LRP1B: variants seen among roughly 807,000 people sequenced by gnomAD.
LRP1B encodes low-density lipoprotein receptor-related protein 1B.
Under a neutral mutation model 556.6 loss-of-function variants are expected in LRP1B, and 217 were observed. That is an observed-to-expected ratio of 0.39 (90% CI 0.35 to 0.44). The LOEUF (loss-of-function observed/expected upper bound fraction) is 0.44. Among genes scored for constraint, LRP1B ranks in the 20% least tolerant of loss-of-function variants. The pLI is 1.00. For missense variants in LRP1B, 5,053 were observed against 5,620.8 expected, an observed-to-expected ratio of 0.90 and a Z score of 3.23; for synonymous variants, 2,047 against 1,865.8, an observed-to-expected ratio of 1.10 and a Z score of -2.50.
intron 20 of LRP1B, among the ~76,000 whole-genome samples, chr2:140,926,471 A>G (rs1694889128): frequency 6.6e-6 from 1 of 151,984 alleles, no homozygotes; most frequent in African/African-American, 2.4e-5. Context: ...CCTCTCAAGT[A>G]GCTGGGACCA....
At chr2:141,753,907 T>C (rs1285756349) in intron 2 of LRP1B, among the ~76,000 whole-genome samples, 1 of 152,168 alleles carries the variant, frequency 6.6e-6, no homozygotes, top group East Asian at 1.9e-4. Context: ...TCATTTATCT[T>C]GTAACCCTAA....
intron 77 of LRP1B, among the ~76,000 whole-genome samples, chr2:140,343,618 G>C (rs1429067078): frequency 6.6e-6 from 1 of 151,648 alleles, no homozygotes; most frequent in Non-Finnish European, 1.5e-5. Context: ...AGTGAACAAA[G>C]TAAACAGCAG....
chr2:141,189,160 A>G (rs1222649529), intron 6 of LRP1B, among the ~76,000 whole-genome samples: 3 of 152,068 alleles, frequency 2.0e-5, no homozygotes, highest in Admixed American at 6.6e-5. Flanking sequence ...AGGCTTGCTC[A>G]AGGACTGATT....
chr2:141,557,817 G>A (rs977063828), intron 2 of LRP1B, among the ~76,000 whole-genome samples: 4 of 151,870 alleles, frequency 2.6e-5, no homozygotes, highest in African/African-American at 7.2e-5. Context: ...TATGGTAGCT[G>A]TGTCTATACC....
In LRP1B at chr2:142,095,001, T is replaced by C. The variant is rs115695415; in HGVS notation, c.82+35647A>G. Among the ~76,000 whole-genome samples the C allele has an allele frequency of 2.3e-3, 347 of 151,950 alleles. 2 individuals are homozygous for C. Among genetic ancestry groups the C allele is most frequent in the African/African-American group, 7.7e-3 (320 of 41,514 alleles). Reference sequence around the variant, plus strand: ...GTACAATGAATATTTGTAGCATCTATGTGAATTAACCAAGTTAGCCAAACT... The same window carrying C: ...GTACAATGAATATTTGTAGCATCTACGTGAATTAACCAAGTTAGCCAAACT... On this transcript the variant is annotated intron_variant, in intron 1 of 90. Transcript: ENST00000389484.
At chr2:140,561,944 T>A (rs1324826153) in intron 43 of LRP1B, among the ~76,000 whole-genome samples, 1 of 152,100 alleles carries the variant, frequency 6.6e-6, no homozygotes, top group Non-Finnish European at 1.5e-5. Context: ...AAAAGATTAA[T>A]GTAATTTACT....
At chr2:140,973,672 T>C (rs1275523341) in intron 18 of LRP1B, among the ~76,000 whole-genome samples, 1 of 152,062 alleles carries the variant, frequency 6.6e-6, no homozygotes, top group African/African-American at 2.4e-5. Flanking sequence ...GCTAAATAAC[T>C]AAAGGTAAAA....
chr2:140,700,778 T>C (rs1237026558), intron 40 of LRP1B, among the ~76,000 whole-genome samples, 157 bp from the exon 41 acceptor site: 2 of 152,154 alleles, frequency 1.3e-5, no homozygotes, highest in Admixed American at 6.6e-5. Flanking sequence ...AAAAGTATTG[T>C]TTTTTAAAAA....
At chr2:140,676,001 T>C (rs1228462193) in intron 41 of LRP1B, among the ~76,000 whole-genome samples, 1 of 152,188 alleles carries the variant, frequency 6.6e-6, no homozygotes, top group Non-Finnish European at 1.5e-5. Flanking sequence ...TCTTTTTATG[T>C]CAAGCTGTGA....
rs111507982 is a variant in LRP1B at position 141,288,505 on chromosome 2, T to C, written c.344-33864A>G. Among the ~76,000 whole-genome samples the C allele has an allele frequency of 5.2e-3, 792 of 152,224 alleles. 4 individuals carry two copies. Among genetic ancestry groups the C allele is most frequent in the Non-Finnish European group, 7.5e-3 (508 of 67,982 alleles). On this transcript the variant is annotated intron_variant, in intron 3 of 90. Transcript: ENST00000389484. ...ACTTAGAAATGCACTCTTATTTTTA[T>C]TTTTGTTAATATTATAGATCAAGAT...
intron 41 of LRP1B, among the ~76,000 whole-genome samples, chr2:140,660,293 T>C (rs1437436977): frequency 6.6e-6 from 1 of 152,030 alleles, no homozygotes; most frequent in East Asian, 1.9e-4. Context: ...ATAGTTCTTT[T>C]TGCATACTTC....
At chr2:141,804,633 C>A (rs538304063) in intron 2 of LRP1B, among the ~76,000 whole-genome samples, 2 of 151,918 alleles carry the variant, frequency 1.3e-5, no homozygotes, top group Non-Finnish European at 2.9e-5. Context: ...AGAGGATCGA[C>A]CGAGAGGGGG....
chr2:140,821,264 T>A (rs1350419642), intron 31 of LRP1B, among the ~76,000 whole-genome samples: 2 of 152,172 alleles, frequency 1.3e-5, no homozygotes, highest in African/African-American at 2.4e-5. Flanking sequence ...ACCCCCAATT[T>A]AATAACATTT....
intron 1 of LRP1B, among the ~76,000 whole-genome samples, chr2:141,859,759 ATAAG>A (rs1427033965): frequency 1.3e-5 from 2 of 152,172 alleles, no homozygotes; most frequent in Admixed American, 1.3e-4. Context: ...ATTGTATCAC[ATAAG>A]TATGTACAAT....
chr2:140,971,050 A>C (rs7609294), intron 18 of LRP1B, among the ~76,000 whole-genome samples: 1 of 152,064 alleles, frequency 6.6e-6, no homozygotes, highest in East Asian at 1.9e-4. Flanking sequence ...AGCCTCTAAA[A>C]TGATTGGTCG....
chr2:141,780,556 C>T (rs1695220590), intron 2 of LRP1B, among the ~76,000 whole-genome samples: 2 of 152,140 alleles, frequency 1.3e-5, no homozygotes. Flanking sequence ...TGTAAATTCT[C>T]CCACCACGGG....
chr2:140,396,547 T>A (rs1440535896), intron 66 of LRP1B, among the ~76,000 whole-genome samples: 1 of 152,148 alleles, frequency 6.6e-6, no homozygotes, highest in Non-Finnish European at 1.5e-5. Flanking sequence ...AGAGGGCGAT[T>A]ATTTATCTTC....
At chr2:141,936,428 C>G (rs775082177) in intron 1 of LRP1B, among the ~76,000 whole-genome samples, 2 of 152,060 alleles carry the variant, frequency 1.3e-5, no homozygotes, top group Non-Finnish European at 2.9e-5. Context: ...AGACAAACAG[C>G]AACTATTTAT....
intron 3 of LRP1B, among the ~76,000 whole-genome samples, chr2:141,335,014 A>C (rs1156646308): frequency 2.0e-5 from 3 of 152,242 alleles, no homozygotes; most frequent in Non-Finnish European, 4.4e-5. Flanking sequence ...TTGTTGATTA[A>C]GACACTGAAT....
Sources: gnomAD v4.1 joint callset for allele counts (sites outside exome capture counted in the v4.1 genomes callset) on GRCh38, gnomAD v4.1.1 for gene constraint, MANE v1.5 for transcripts, NCBI Gene and HGNC (gene_info 2026-07-23, HGNC 2026-07-21) for gene names.